KCNH5: variants seen among roughly 807,000 people sequenced by gnomAD.
KCNH5 encodes potassium voltage-gated channel subfamily H member 5.
Under a neutral mutation model 96.1 loss-of-function variants are expected in KCNH5, and 46 were observed. The ratio of observed to expected loss-of-function variants is 0.48; its 90% CI spans 0.38 to 0.61. The LOEUF is 0.61. KCNH5 is among the 20% of genes least tolerant of loss of function. The pLI, the probability that KCNH5 is intolerant of heterozygous loss-of-function variation, is 0.00. For missense variants in KCNH5, 907 were observed against 1,225.8 expected, an observed-to-expected ratio of 0.74 and a Z score of 3.88; for synonymous variants, 439 against 449.8, an observed-to-expected ratio of 0.98 and a Z score of 0.30.
chr14:62,909,291 C>T (rs904760006), intron 7 of KCNH5, among the ~76,000 whole-genome samples: 1 of 151,602 alleles, frequency 6.6e-6, no homozygotes, highest in Admixed American at 6.6e-5. Flanking sequence ...GTGATCCGCC[C>T]GCCTCGGCCT....
chr14:62,770,525 G>A (rs1295789576), intron 10 of KCNH5, among the ~76,000 whole-genome samples: 1 of 152,196 alleles, frequency 6.6e-6, no homozygotes, highest in Non-Finnish European at 1.5e-5. Context: ...GCCATCTGTA[G>A]AAAAGGACAG....
At chr14:63,018,219 G>A (rs1350909530) in intron 1 of KCNH5, among the ~76,000 whole-genome samples, 1 of 151,832 alleles carries the variant, frequency 6.6e-6, no homozygotes, top group Non-Finnish European at 1.5e-5. Flanking sequence ...ATTCCGCTGA[G>A]AGCACTTGCC....
At chr14:62,779,659 T>A in intron 10 of KCNH5, 69 bp downstream of exon 10, 1 of 1,300,720 alleles carries the variant, frequency 7.7e-7, no homozygotes, top group Non-Finnish European at 1.0e-6. Flanking sequence ...TCTCTACTCT[T>A]CAGCTAATAG....
intron 8 of KCNH5, among the ~76,000 whole-genome samples, chr14:62,846,789 CTTTTTTTTTTTTTTTT>C (rs766919022): frequency 3.0e-5 from 2 of 67,464 alleles, no homozygotes; most frequent in South Asian, 4.9e-4. Context: ...TGTATTGTAT[CTTTTTTTTTTTTTTTT>C]TTTTTTTTTT....
chr14:62,747,849 T>C (rs1885411137), intron 10 of KCNH5, among the ~76,000 whole-genome samples: 2 of 152,206 alleles, frequency 1.3e-5, no homozygotes, highest in Admixed American at 6.5e-5. Context: ...GTGGAGTTTT[T>C]AGAAAATTGG....
intron 10 of KCNH5, among the ~76,000 whole-genome samples, chr14:62,724,092 G>A (rs572915183): frequency 6.6e-6 from 1 of 152,000 alleles, no homozygotes; most frequent in Admixed American, 6.6e-5. Flanking sequence ...GTATTTCCTC[G>A]CCTTTCACAG....
intron 7 of KCNH5, among the ~76,000 whole-genome samples, chr14:62,887,913 A>T (rs1341598684): frequency 1.3e-5 from 2 of 152,132 alleles, no homozygotes; most frequent in African/African-American, 4.8e-5. Context: ...TAGCCTCATC[A>T]CCTGCTAGGG....
chr14:63,022,998 G>T (rs959923109), intron 1 of KCNH5, among the ~76,000 whole-genome samples: 1 of 152,020 alleles, frequency 6.6e-6, no homozygotes, highest in Non-Finnish European at 1.5e-5. Context: ...GAGGTCAGGA[G>T]ATCGAGGCCA....
chr14:62,734,865 C>G (rs1274394022), intron 10 of KCNH5, among the ~76,000 whole-genome samples: 1 of 151,950 alleles, frequency 6.6e-6, no homozygotes, highest in Non-Finnish European at 1.5e-5. Context: ...ATAATAAACC[C>G]TTGTTATGCT....
chr14:62,708,940 C>A (rs1186865541), intron 10 of KCNH5, among the ~76,000 whole-genome samples: 1 of 152,172 alleles, frequency 6.6e-6, no homozygotes, highest in East Asian at 1.9e-4. Context: ...AGTTTCAAAA[C>A]CATTTTTAAT....
At chr14:62,735,802 T>A (rs1211207988) in intron 10 of KCNH5, among the ~76,000 whole-genome samples, 1 of 152,154 alleles carries the variant, frequency 6.6e-6, no homozygotes, top group African/African-American at 2.4e-5. Flanking sequence ...AAAATGGTTA[T>A]TAGGATGGAC....
chr14:62,893,643 C>G (rs771382094), intron 7 of KCNH5, among the ~76,000 whole-genome samples: 2 of 152,106 alleles, frequency 1.3e-5, no homozygotes, highest in Admixed American at 6.5e-5. Context: ...GTAATCCCAG[C>G]TACTTGGGAG....
intron 7 of KCNH5, among the ~76,000 whole-genome samples, chr14:62,934,709 A>G (rs1889645098): frequency 6.6e-6 from 1 of 152,210 alleles, no homozygotes; most frequent in South Asian, 2.1e-4. Context: ...GTTTCAAATT[A>G]GACTTTTTTA....
chr14:62,886,121 G>GACACAC (rs58900799), intron 7 of KCNH5, among the ~76,000 whole-genome samples: 16,940 of 147,702 alleles, frequency 0.11, 1,055 homozygotes, highest in East Asian at 0.14. Flanking sequence ...ACCTGCAGAG[G>GACACAC]ACACACACAC....
At chr14:62,844,314 C>A (rs548365096) in intron 8 of KCNH5, among the ~76,000 whole-genome samples, 1 of 151,896 alleles carries the variant, frequency 6.6e-6, no homozygotes, top group South Asian at 2.1e-4. Context: ...GAAAAAAATC[C>A]AGTATGATGG....
intron 10 of KCNH5, among the ~76,000 whole-genome samples, chr14:62,717,529 A>G (rs772841371): frequency 7.9e-5 from 12 of 152,228 alleles, no homozygotes; most frequent in Admixed American, 2.6e-4. Flanking sequence ...AAGCAATTCA[A>G]TGATGTCTTA....
At chr14:62,718,277 AC>A (rs1170618039) in intron 10 of KCNH5, among the ~76,000 whole-genome samples, 3 of 151,982 alleles carry the variant, frequency 2.0e-5, no homozygotes, top group Non-Finnish European at 2.9e-5. Context: ...CTGCATATCT[AC>A]CCCCGAATTT....
At chr14:62,981,416 A>C in intron 5 of KCNH5, 152 bp from the exon 6 acceptor site, 1 of 675,986 alleles carries the variant, frequency 1.5e-6, no homozygotes, top group East Asian at 2.7e-5. Flanking sequence ...TGTTCAGAGG[A>C]AGTCACTCCA....
At chr14:62,975,827 C>T (rs531080990) in intron 6 of KCNH5, among the ~76,000 whole-genome samples, 12 of 152,148 alleles carry the variant, frequency 7.9e-5, no homozygotes, top group East Asian at 1.9e-4. Flanking sequence ...TAAATCAAAA[C>T]GTAATTAATC....
Sources: allele counts gnomAD v4.1 joint callset (sites outside exome capture counted in the v4.1 genomes callset), GRCh38; gene constraint gnomAD v4.1.1; transcripts MANE v1.5; gene names NCBI Gene and HGNC (gene_info 2026-07-23, HGNC 2026-07-21).